SNTB2: variants seen among roughly 807,000 people sequenced by gnomAD.
SNTB2 encodes the protein syntrophin beta 2, also known as beta-2-syntrophin.
In SNTB2, 34 loss-of-function variants were observed where a neutral mutation model predicts 46.2. That is an observed-to-expected ratio of 0.74 (90% confidence interval 0.56 to 0.98). The LOEUF (loss-of-function observed/expected upper bound fraction) is 0.98. SNTB2 is among the 50% of genes least tolerant of loss of function. SNTB2 has a pLI of 0.00. For synonymous variants in SNTB2, 290 were observed against 312.6 expected, an observed-to-expected ratio of 0.93 and a Z score of 0.76; for missense variants, 603 against 731.4, an observed-to-expected ratio of 0.82 and a Z score of 2.02.
intron 3 of SNTB2, among the ~76,000 whole-genome samples, chr16:69,268,309 C>A (rs1001479507): frequency 2.0e-5 from 3 of 151,800 alleles, no homozygotes; most frequent in African/African-American, 7.3e-5. Flanking sequence ...ACTAAAAATA[C>A]AAAAATTAGC....
At chr16:69,190,712 C>T (rs1424114) in intron 1 of SNTB2, among the ~76,000 whole-genome samples, 73,672 of 152,012 alleles carry the variant, frequency 0.48, 21,761 homozygotes, top group African/African-American at 0.85. Flanking sequence ...CATTAAAAAG[C>T]TATTCTAGCC....
chr16:69,294,711 C>T (rs1471286405), intron 5 of SNTB2, among the ~76,000 whole-genome samples: 4 of 152,130 alleles, frequency 2.6e-5, no homozygotes, highest in African/African-American at 7.2e-5. Context: ...CCAGCCTGGG[C>T]GACAGAGCGA....
chr16:69,284,829 C>G (rs1965086581), intron 5 of SNTB2, among the ~76,000 whole-genome samples: 1 of 151,860 alleles, frequency 6.6e-6, no homozygotes, highest in Admixed American at 6.6e-5. Flanking sequence ...CATCTGTAGT[C>G]CCAGCTACTC....
At position 69,291,764 on chromosome 16, in the gene SNTB2, C is replaced by T. The variant is rs151314758; in HGVS notation, c.1345+7520C>T. 1.2e-4 allele frequency among the ~76,000 whole-genome samples: 18 copies of T among 151,776 alleles called. No individual in the cohort carries two copies. The East Asian group carries it at 1.6e-3, about 13-fold the overall frequency. Reference sequence around the variant, plus strand: ...ATAAGCCTGGGCAACAGAGTAAGACCGCGTCTCTATGAAAAATTTTGAAAG... The same window carrying T: ...ATAAGCCTGGGCAACAGAGTAAGACTGCGTCTCTATGAAAAATTTTGAAAG... On this transcript the variant is annotated intron_variant, in intron 5 of 6. Coordinates refer to ENST00000336278, the MANE Select transcript of SNTB2 (RefSeq NM_006750.4).
intron 1 of SNTB2, among the ~76,000 whole-genome samples, chr16:69,213,506 ATT>A (rs5817662): frequency 2.2e-4 from 32 of 148,502 alleles, no homozygotes; most frequent in Non-Finnish European, 4.3e-4. Flanking sequence ...TATTCTTCTT[ATT>A]TTTTTTTTTG....
intron 5 of SNTB2, among the ~76,000 whole-genome samples, chr16:69,293,908 C>T (rs1965198435): frequency 1.3e-5 from 2 of 152,178 alleles, no homozygotes; most frequent in African/African-American, 2.4e-5. Context: ...TGGGCAGTGC[C>T]TTTTACTGCT....
chr16:69,232,170 A>G (rs1964512121), intron 1 of SNTB2, among the ~76,000 whole-genome samples: 1 of 151,568 alleles, frequency 6.6e-6, no homozygotes, highest in South Asian at 2.1e-4. Flanking sequence ...GCCGGTTTGT[A>G]TAAATTCATT....
At chr16:69,288,353 G>C (rs1965125914) in intron 5 of SNTB2, among the ~76,000 whole-genome samples, 1 of 152,170 alleles carries the variant, frequency 6.6e-6, no homozygotes, top group African/African-American at 2.4e-5. Context: ...GGAAGAGTGA[G>C]AGCCAGCTGG....
intron 2 of SNTB2, among the ~76,000 whole-genome samples, chr16:69,252,784 C>T (rs1964738215): frequency 1.3e-5 from 2 of 152,170 alleles, no homozygotes; most frequent in Non-Finnish European, 2.9e-5. Flanking sequence ...TCCTCTTCTC[C>T]CTTGTGGACC....
intron 1 of SNTB2, among the ~76,000 whole-genome samples, chr16:69,235,095 C>T (rs1392954785): frequency 6.6e-6 from 1 of 151,816 alleles, no homozygotes; most frequent in African/African-American, 2.4e-5. Flanking sequence ...ACTGCAGCCT[C>T]TGTCGCCTGG....
At chr16:69,223,630 A>G (rs1367004278) in intron 1 of SNTB2, among the ~76,000 whole-genome samples, 2 of 149,556 alleles carry the variant, frequency 1.3e-5, no homozygotes, top group East Asian at 3.9e-4. Context: ...AATCTGTGAC[A>G]GTTTTGTTTT....
chr16:69,281,883 A>G (rs1965051681), intron 4 of SNTB2, among the ~76,000 whole-genome samples: 1 of 148,744 alleles, frequency 6.7e-6, no homozygotes, highest in South Asian at 2.1e-4. Flanking sequence ...TTCTTTCTCC[A>G]TTGAATCACA....
chr16:69,217,353 AATCCCAGGT>A (rs1329206067), intron 1 of SNTB2, among the ~76,000 whole-genome samples: 1 of 152,066 alleles, frequency 6.6e-6, no homozygotes, highest in Non-Finnish European at 1.5e-5. Context: ...ATGCACCTGT[AATCCCAGGT>A]ACTTGGGAGG....
chr16:69,257,901 G>A (rs1344729357), intron 2 of SNTB2, among the ~76,000 whole-genome samples: 2 of 152,180 alleles, frequency 1.3e-5, no homozygotes, highest in African/African-American at 4.8e-5. Context: ...TCCAATACCA[G>A]TGCCTAGCAC....
chr16:69,222,976 G>T, intron 1 of SNTB2, among the ~76,000 whole-genome samples: 1 of 151,758 alleles, frequency 6.6e-6, no homozygotes, highest in South Asian at 2.1e-4. Flanking sequence ...TAGAGATGAG[G>T]TTTCACCACA....
chr16:69,268,452 A>G (rs1008282291), intron 3 of SNTB2, among the ~76,000 whole-genome samples: 1 of 151,984 alleles, frequency 6.6e-6, no homozygotes. Flanking sequence ...TGACAGAGCA[A>G]GACTCTGTCT....
intron 5 of SNTB2, among the ~76,000 whole-genome samples, chr16:69,289,846 C>T (rs941284848): frequency 1.3e-5 from 2 of 151,900 alleles, no homozygotes; most frequent in Non-Finnish European, 2.9e-5. Context: ...TGCTTGAGCC[C>T]GAGAGGTCAA....
intron 4 of SNTB2, among the ~76,000 whole-genome samples, chr16:69,272,771 A>G (rs1281307151): frequency 1.3e-5 from 2 of 151,372 alleles, no homozygotes; most frequent in African/African-American, 2.4e-5. Context: ...ATGGACTATA[A>G]TCCCAGCTAC....
intron 5 of SNTB2, among the ~76,000 whole-genome samples, chr16:69,295,867 A>G (rs1260144532): frequency 2.0e-5 from 3 of 152,212 alleles, no homozygotes; most frequent in Admixed American, 1.3e-4. Context: ...TCATCATTGC[A>G]TCACTGTGGT....
Sources: gnomAD v4.1 joint callset for allele counts (sites outside exome capture counted in the v4.1 genomes callset) on GRCh38, gnomAD v4.1.1 for gene constraint, MANE v1.5 for transcripts, NCBI Gene and HGNC (gene_info 2026-07-23, HGNC 2026-07-21) for gene names.